The following CPLANE1 variants were observed in gnomAD, a reference collection of about 807,000 sequenced individuals.
CPLANE1 encodes the protein ciliogenesis and planar polarity effector complex subunit 1.
Under a neutral mutation model 362.5 loss-of-function variants are expected in CPLANE1, and 263 were observed. The ratio of observed to expected loss-of-function variants is 0.73; its 90% confidence interval spans 0.66 to 0.80. CPLANE1 has a LOEUF of 0.80. Ranked by LOEUF, CPLANE1 falls within the 30% of genes least tolerant of loss-of-function variation. The pLI, the probability that CPLANE1 is intolerant of heterozygous loss-of-function variation, is 0.00. For synonymous variants in CPLANE1, 1,212 were observed against 1,302.6 expected (o/e 0.93, Z 1.50); for missense variants, 3,461 against 3,793.4 (o/e 0.91, Z 2.30).
At chr5:37,102,003 C>T (rs1289454970), downstream of CPLANE1, among the ~76,000 whole-genome samples, 1 of 150,412 alleles carries the variant, frequency 6.6e-6, no homozygotes, top group East Asian at 1.9e-4. Flanking sequence ...CTTTATTAGT[C>T]TAGCTAGCAG....
intron 37 of CPLANE1, 67 bp downstream of exon 37, chr5:37,164,206 T>C (rs1777635939): frequency 7.4e-6 from 9 of 1,218,790 alleles, no homozygotes; most frequent in Non-Finnish European, 3.6e-6. Context: ...TTTCATATTG[T>C]ACATATTTCT....
chr5:37,124,792 G>A, intron 47 of CPLANE1: 1 of 628,696 alleles, frequency 1.6e-6, no homozygotes, highest in Non-Finnish European at 2.0e-6. Flanking sequence ...GGTCACAAGT[G>A]ATCCTCTCAC....
At chr5:37,121,297 A>G (rs1010476550) in intron 49 of CPLANE1, among the ~76,000 whole-genome samples, 2 of 152,220 alleles carry the variant, frequency 1.3e-5, no homozygotes, top group Non-Finnish European at 2.9e-5. Context: ...TAGGATGAGC[A>G]GTTAGAAGGC....
chr5:37,179,968 A>T (rs756656218), intron 28 of CPLANE1, 49 bp downstream of exon 28: 8 of 1,288,192 alleles, frequency 6.2e-6, no homozygotes, highest in African/African-American at 1.5e-5. Context: ...ATTATTTACC[A>T]ATTTCAAATT....
chr5:37,244,684 C>T, intron 4 of CPLANE1, 77 bp from the exon 5 acceptor site: 1 of 813,862 alleles, frequency 1.2e-6, no homozygotes, highest in Non-Finnish European at 1.9e-6. Context: ...TTTATGTATT[C>T]TTACAATAAA....
chr5:37,248,890 A>T (rs1483224034), intron 1 of CPLANE1, among the ~76,000 whole-genome samples: 1 of 152,214 alleles, frequency 6.6e-6, no homozygotes, highest in Non-Finnish European at 1.5e-5. Flanking sequence ...AGCGAGGAAA[A>T]TTGACGTTCT....
At chr5:37,145,494 G>A (rs1487783013) in intron 43 of CPLANE1, among the ~76,000 whole-genome samples, 2 of 152,060 alleles carry the variant, frequency 1.3e-5, no homozygotes, top group African/African-American at 4.8e-5. Flanking sequence ...TCACAGGTGT[G>A]ATGATAGCAT....
At chr5:37,157,619 T>C in intron 40 of CPLANE1, 51 bp downstream of exon 40, 2 of 1,497,300 alleles carry the variant, frequency 1.3e-6, no homozygotes, top group Non-Finnish European at 1.9e-6. Flanking sequence ...AACAATGCTA[T>C]ATTAAAGAAC....
At chr5:37,108,559 C>G in intron 51 of CPLANE1, 88 bp from the exon 52 acceptor site, 1 of 1,209,034 alleles carries the variant, frequency 8.3e-7, no homozygotes, top group South Asian at 1.5e-5. Flanking sequence ...ATCATCAAAG[C>G]CAAGGTAGTC....
chr5:37,169,667 T>TAA, intron 33 of CPLANE1, 106 bp from the exon 34 acceptor site: 14 of 671,366 alleles, frequency 2.1e-5, no homozygotes, highest in Non-Finnish European at 3.0e-5. Context: ...TAGTAACTGC[T>TAA]AAAAAAAAAA....
At chr5:37,187,874 C>T (rs919363606) in intron 21 of CPLANE1, 32 bp from the exon 22 acceptor site, 2 of 1,490,672 alleles carry the variant, frequency 1.3e-6, no homozygotes, top group Non-Finnish European at 9.3e-7. Flanking sequence ...GAAAGAAAAT[C>T]ACATGAGTAT....
chr5:37,157,384 C>T lies in CPLANE1; in HGVS notation c.8048G>A (p.Arg2683Lys). 7.0e-7 allele frequency: 1 copy of T among 1,423,494 alleles called. No individual in the cohort carries two copies. Among genetic ancestry groups the T allele is most frequent in the African/African-American group, 1.4e-5 (1 of 70,782 alleles). The allele number at this position is 1,423,494 out of a possible 1,614,324, so 88.2% of individuals were successfully genotyped here. Residue 2683 changes from arginine (R) to lysine (K), a missense_variant, in exon 41 of 53, where the codon AGA becomes AAA. Physicochemically the swap from Arg to Lys is conservative, Grantham distance 26. Transcript: ENST00000651892. ...CTCCTTCACTTCTGTAATGCCTGCT[C>T]TCAAGCTTTTTCCATCCAGACAAGC... ...TPACLDGKSLRAGITEVKEPS... is the reference protein window; with the variant it reads ...TPACLDGKSLKAGITEVKEPS...
At chr5:37,138,237 T>C (rs1226790972) in intron 46 of CPLANE1, among the ~76,000 whole-genome samples, 1 of 152,224 alleles carries the variant, frequency 6.6e-6, no homozygotes, top group Non-Finnish European at 1.5e-5. Context: ...TGTATGCTTA[T>C]ATATTTAGGA....
intron 20 of CPLANE1, among the ~76,000 whole-genome samples, chr5:37,197,266 C>A (rs530945063): frequency 6.6e-6 from 1 of 152,132 alleles, no homozygotes; most frequent in African/African-American, 2.4e-5. Context: ...AGCAGGCTTG[C>A]AATTGATTTT....
downstream of CPLANE1, among the ~76,000 whole-genome samples, chr5:37,104,047 G>A (rs1757423270): frequency 1.3e-5 from 2 of 152,044 alleles, no homozygotes; most frequent in South Asian, 4.2e-4. Context: ...ATTTCTTGGA[G>A]GTTTTGTTAG....
chr5:37,110,834 G>T (rs1459316725), intron 51 of CPLANE1, among the ~76,000 whole-genome samples: 1 of 140,372 alleles, frequency 7.1e-6, no homozygotes, highest in African/African-American at 2.7e-5. Flanking sequence ...TTGAGATGGA[G>T]TCTCACTCTG....
chr5:37,102,609 C>G (rs1029400292), downstream of CPLANE1, among the ~76,000 whole-genome samples: 3 of 152,164 alleles, frequency 2.0e-5, no homozygotes, highest in African/African-American at 7.2e-5. Flanking sequence ...TACATTGTCT[C>G]TTTGTTCTCA....
chr5:37,209,862 T>C lies in CPLANE1; in HGVS notation c.2921-3437A>G. On this transcript the variant is annotated intron_variant, in intron 16 of 52. Transcript: ENST00000651892. The surrounding 1 kb of genome is among the most constrained non-coding windows in gnomAD (Gnocchi z 4.6). The stretch of plus-strand genomic sequence containing the variant: ...TATGGAAACTCAGACAAGTTCGACA[T>C]TTAGCAGAGATTCTCTGGCTGAGAA... 1 of 1,376,830 alleles carries C rather than the reference T, an allele frequency of 7.3e-7. No individual in the cohort carries two copies. Among genetic ancestry groups the C allele is most frequent in the African/African-American group, 1.4e-5 (1 of 70,358 alleles). 85.3% of individuals were successfully genotyped at this position (1,376,830 alleles called of 1,614,324 possible).
intron 46 of CPLANE1, among the ~76,000 whole-genome samples, chr5:37,133,782 T>C (rs946884338): frequency 1.2e-4 from 19 of 152,222 alleles, no homozygotes; most frequent in African/African-American, 4.6e-4. Context: ...TCTTACCTGA[T>C]TCCTCTGGCT....
Sources: gnomAD v4.1 joint callset for allele counts (sites outside exome capture counted in the v4.1 genomes callset) on GRCh38, gnomAD v4.1.1 for gene constraint, Gnocchi (gnomAD v3.1) non-coding constraint, MANE v1.5 for transcripts, NCBI Gene and HGNC (gene_info 2026-07-23, HGNC 2026-07-21) for gene names.